Variants in RNGTT observed in about 807,000 individuals in gnomAD.
RNGTT encodes the protein mRNA-capping enzyme.
Under a neutral mutation model 79.3 loss-of-function variants are expected in RNGTT, and 33 were observed. That is an observed-to-expected ratio of 0.42 (90% confidence interval 0.32 to 0.56). RNGTT has a LOEUF of 0.56. Ranked by LOEUF, RNGTT falls within the 20% of genes least tolerant of loss-of-function variation. The probability of loss-of-function intolerance (pLI) is 0.17; values close to 1 mark genes in which losing one functional copy is unlikely to be tolerated. For synonymous variants in RNGTT, 222 were observed against 235.9 expected (o/e 0.94, Z 0.54); for missense variants, 497 against 739.1 (o/e 0.67, Z 3.80).
chr6:88,758,670 C>A (rs1562237368), intron 13 of RNGTT, among the ~76,000 whole-genome samples: 1 of 151,244 alleles, frequency 6.6e-6, no homozygotes, highest in Non-Finnish European at 1.5e-5. Context: ...ACATAATGTT[C>A]ATTTTATCCT....
At chr6:88,665,463 A>T (rs1248619885) in intron 14 of RNGTT, among the ~76,000 whole-genome samples, 1 of 152,216 alleles carries the variant, frequency 6.6e-6, no homozygotes, top group Non-Finnish European at 1.5e-5. Flanking sequence ...CAAGGACTAC[A>T]GGCCAGTACA....
intron 14 of RNGTT, among the ~76,000 whole-genome samples, chr6:88,624,410 G>C (rs1562154985): frequency 6.6e-6 from 1 of 151,836 alleles, no homozygotes; most frequent in Non-Finnish European, 1.5e-5. Flanking sequence ...AGAATAGAGA[G>C]CTCACAAATA....
At chr6:88,729,189 G>A (rs1190664743) in intron 13 of RNGTT, among the ~76,000 whole-genome samples, 1 of 152,150 alleles carries the variant, frequency 6.6e-6, no homozygotes, top group Non-Finnish European at 1.5e-5. Context: ...GAAACTTAGA[G>A]TTCCTTGGAG....
At chr6:88,693,956 T>C (rs1002563480) in intron 13 of RNGTT, among the ~76,000 whole-genome samples, 1 of 152,124 alleles carries the variant, frequency 6.6e-6, no homozygotes, top group Non-Finnish European at 1.5e-5. Flanking sequence ...TACCTCAACA[T>C]ACTAAAGACC....
intron 13 of RNGTT, among the ~76,000 whole-genome samples, chr6:88,683,390 C>T (rs2610732): frequency 0.27 from 40,308 of 151,906 alleles, 9,328 homozygotes; most frequent in African/African-American, 0.63. Context: ...TGCACTAAAA[C>T]TGACACAAGA....
intron 14 of RNGTT, among the ~76,000 whole-genome samples, chr6:88,637,395 C>A (rs1773138200): frequency 6.6e-6 from 1 of 152,002 alleles, no homozygotes; most frequent in African/African-American, 2.4e-5. Context: ...CCAGTTCAGA[C>A]TGAATTGGAA....
At chr6:88,736,639 G>A (rs1032195017) in intron 13 of RNGTT, among the ~76,000 whole-genome samples, 2 of 152,144 alleles carry the variant, frequency 1.3e-5, no homozygotes, top group African/African-American at 2.4e-5. Flanking sequence ...TAAAGATGTG[G>A]CAAATTCTGT....
At chr6:88,771,352 C>CAT (rs1778674804) in intron 12 of RNGTT, among the ~76,000 whole-genome samples, 1 of 81,364 alleles carries the variant, frequency 1.2e-5, no homozygotes, top group African/African-American at 4.8e-5. Context: ...TATATATATA[C>CAT]ACACACACAC....
rs149704724 is a variant in RNGTT at position 88,691,563 on chromosome 6, T to C, written c.1440-13144A>G. Among the ~76,000 whole-genome samples, 787 of 152,244 alleles carry C rather than the reference T, an allele frequency of 5.2e-3. 8 individuals carry two copies. Among genetic ancestry groups the C allele is most frequent in the Non-Finnish European group, 8.2e-3 (557 of 68,008 alleles). Reference sequence around the variant, plus strand: ...AGCAAAGAAGTAAAAACCACAGAGGTTGGGATACTGGCTATCTTTGGGTGG... The same window carrying C: ...AGCAAAGAAGTAAAAACCACAGAGGCTGGGATACTGGCTATCTTTGGGTGG... On this transcript the variant is annotated intron_variant, in intron 13 of 15. Transcript: ENST00000369485.
At chr6:88,935,378 G>A (rs1784633855) in intron 2 of RNGTT, among the ~76,000 whole-genome samples, 1 of 152,088 alleles carries the variant, frequency 6.6e-6, no homozygotes, top group Non-Finnish European at 1.5e-5. Flanking sequence ...TTTTGCTCAA[G>A]ATTGCTTTGG....
intron 8 of RNGTT, among the ~76,000 whole-genome samples, chr6:88,881,833 C>T (rs1327609582): frequency 2.0e-5 from 3 of 152,214 alleles, no homozygotes; most frequent in Non-Finnish European, 2.9e-5. Flanking sequence ...CACTGCCCTA[C>T]TCTATACTAT....
intron 13 of RNGTT, among the ~76,000 whole-genome samples, chr6:88,764,974 T>G (rs978998271): frequency 6.6e-6 from 1 of 151,992 alleles, no homozygotes; most frequent in Non-Finnish European, 1.5e-5. Flanking sequence ...AGGTGGATCA[T>G]CAGGTCAGGA....
intron 8 of RNGTT, among the ~76,000 whole-genome samples, chr6:88,881,049 C>T (rs906607283): frequency 6.6e-6 from 1 of 152,158 alleles, no homozygotes; most frequent in Non-Finnish European, 1.5e-5. Flanking sequence ...CTGACTCCCC[C>T]CTCCTGGGGA....
At chr6:88,673,489 T>C (rs1774733909) in intron 14 of RNGTT, among the ~76,000 whole-genome samples, 1 of 152,232 alleles carries the variant, frequency 6.6e-6, no homozygotes, top group Non-Finnish European at 1.5e-5. Context: ...CTAATTAATA[T>C]GCATGTAATT....
chr6:88,834,505 A>T (rs1202036898), intron 11 of RNGTT, among the ~76,000 whole-genome samples: 1 of 152,216 alleles, frequency 6.6e-6, no homozygotes, highest in Non-Finnish European at 1.5e-5. Context: ...TCAAATCAAA[A>T]TGCAGTTGCA....
At chr6:88,637,789 T>A (rs1773153667) in intron 14 of RNGTT, among the ~76,000 whole-genome samples, 1 of 152,094 alleles carries the variant, frequency 6.6e-6, no homozygotes, top group Admixed American at 6.6e-5. Context: ...GGGAGAGGGA[T>A]GATTGTGGTA....
At chr6:88,900,687 T>C (rs370795795) in intron 6 of RNGTT, among the ~76,000 whole-genome samples, 4 of 150,332 alleles carry the variant, frequency 2.7e-5, no homozygotes, top group Non-Finnish European at 4.4e-5. Flanking sequence ...TGAGCTGAGA[T>C]TGCACCACTG....
intron 9 of RNGTT, among the ~76,000 whole-genome samples, chr6:88,850,029 A>G (rs1275951612): frequency 6.6e-6 from 1 of 151,986 alleles, no homozygotes; most frequent in African/African-American, 2.4e-5. Context: ...CTATACTGAA[A>G]TAGAATCACC....
At chr6:88,854,163 C>T (rs993627019) in intron 8 of RNGTT, among the ~76,000 whole-genome samples, 1 of 152,134 alleles carries the variant, frequency 6.6e-6, no homozygotes, top group African/African-American at 2.4e-5. Flanking sequence ...CTCCTGGCCT[C>T]AAGTGATCTG....
Sources: allele counts gnomAD v4.1 joint callset (sites outside exome capture counted in the v4.1 genomes callset), GRCh38; gene constraint gnomAD v4.1.1; transcripts MANE v1.5; gene names NCBI Gene and HGNC (gene_info 2026-07-23, HGNC 2026-07-21).